Variants in RBFOX1 observed in about 807,000 individuals in gnomAD.
RBFOX1 encodes the protein RNA binding protein fox-1 homolog 1.
RBFOX1 carries 8 observed loss-of-function variants against 57.7 expected under a neutral mutation model. That is an observed-to-expected ratio of 0.14 (90% CI 0.08 to 0.25). RBFOX1 has a LOEUF of 0.25. Among genes scored for constraint, RBFOX1 ranks in the 10% least tolerant of loss-of-function variants. RBFOX1 has a pLI of 1.00. For missense variants in RBFOX1, 611 were observed against 548.5 expected (o/e 1.11, Z -1.14); for synonymous variants, 326 against 222.4 (o/e 1.47, Z -4.15).
intron 3 of RBFOX1, among the ~76,000 whole-genome samples, chr16:6,905,012 G>C (rs1228027951): frequency 6.6e-6 from 1 of 152,094 alleles, no homozygotes; most frequent in Non-Finnish European, 1.5e-5. Context: ...TGTTAGCATG[G>C]TAAAAGAGTT....
chr16:6,993,347 C>T (rs916737977), intron 3 of RBFOX1, among the ~76,000 whole-genome samples: 6 of 152,258 alleles, frequency 3.9e-5, no homozygotes, highest in East Asian at 1.9e-4. Context: ...TAAAAACTAA[C>T]GAATAGGGCA....
intron 4 of RBFOX1, among the ~76,000 whole-genome samples, chr16:5,917,869 C>G (rs190986484): frequency 6.6e-6 from 1 of 152,120 alleles, no homozygotes; most frequent in Non-Finnish European, 1.5e-5. Context: ...CCCTGGTCCC[C>G]GTCAGGTTCC....
Position 6,211,275 on chromosome 16 carries a change from C to A in RBFOX1, c.-126-105720C>A, listed in dbSNP as rs536203514. Among the ~76,000 whole-genome samples, 8 of 138,446 alleles carry A rather than the reference C, an allele frequency of 5.8e-5. No individual in the cohort carries two copies. The East Asian group carries it at 1.5e-3, about 26-fold the overall frequency. The allele number at this position is 138,446 out of a possible 152,430, so 90.8% of individuals were successfully genotyped here. ...ATGGAGTCTCGCTTTGTCGCCCAGG[C>A]TGGAGGGCAGTGGCACGATCTCCGC... is the stretch of plus-strand genomic sequence containing the variant. On this transcript the variant is annotated intron_variant, in intron 1 of 15. Transcript: ENST00000550418.
chr16:6,530,041 A>T (rs1041791436), intron 2 of RBFOX1, among the ~76,000 whole-genome samples: 1 of 152,304 alleles, frequency 6.6e-6, no homozygotes, highest in Admixed American at 6.5e-5. Context: ...CTTTCAAAGT[A>T]GCTATTTTAC....
chr16:7,188,541 C>G (rs2084492263), intron 4 of RBFOX1, among the ~76,000 whole-genome samples: 2 of 152,138 alleles, frequency 1.3e-5, no homozygotes, highest in Admixed American at 1.3e-4. Context: ...CACCTTTTCT[C>G]CCCATCACCC....
At chr16:6,762,072 C>A (rs1050007537) in intron 3 of RBFOX1, among the ~76,000 whole-genome samples, 13 of 152,082 alleles carry the variant, frequency 8.5e-5, no homozygotes, top group Non-Finnish European at 1.3e-4. Context: ...GCCTGATCTC[C>A]ACATGTGGTT....
chr16:5,971,011 T>C (rs934635924), intron 4 of RBFOX1, among the ~76,000 whole-genome samples: 1 of 152,234 alleles, frequency 6.6e-6, no homozygotes, highest in Non-Finnish European at 1.5e-5. Context: ...TATCCTGTCT[T>C]GCTATGTGTC....
At chr16:6,011,523 C>A (rs914269977) in intron 4 of RBFOX1, among the ~76,000 whole-genome samples, 1 of 152,154 alleles carries the variant, frequency 6.6e-6, no homozygotes, top group African/African-American at 2.4e-5. Flanking sequence ...TTTTCCTTAT[C>A]TGTAAAATGG....
At chr16:5,866,709 C>G (rs955414882) in intron 3 of RBFOX1, among the ~76,000 whole-genome samples, 2 of 152,204 alleles carry the variant, frequency 1.3e-5, no homozygotes, top group African/African-American at 2.4e-5. Context: ...GGAAAAGTTA[C>G]CTAACTTGTA....
chr16:7,357,245 A>G (rs2097233426), intron 4 of RBFOX1, among the ~76,000 whole-genome samples: 1 of 152,032 alleles, frequency 6.6e-6, no homozygotes, highest in Non-Finnish European at 1.5e-5. Flanking sequence ...AAAAAAAAAA[A>G]AAAATCTCTT....
At chr16:7,000,135 C>T (rs1460630297) in intron 3 of RBFOX1, among the ~76,000 whole-genome samples, 1 of 150,074 alleles carries the variant, frequency 6.7e-6, no homozygotes, top group Non-Finnish European at 1.5e-5. Flanking sequence ...TTAAAGTTTT[C>T]AGTACTTACA....
At chr16:6,736,724 T>C (rs1243596830) in intron 3 of RBFOX1, among the ~76,000 whole-genome samples, 1 of 152,202 alleles carries the variant, frequency 6.6e-6, no homozygotes, top group Non-Finnish European at 1.5e-5. Flanking sequence ...AGTTCCTTAA[T>C]GAATCTCCAC....
At chr16:7,297,312 G>A (rs185127785) in intron 4 of RBFOX1, among the ~76,000 whole-genome samples, 1 of 152,322 alleles carries the variant, frequency 6.6e-6, no homozygotes, top group Non-Finnish European at 1.5e-5. Context: ...ACTGGGTTTG[G>A]AAATCAGTTG....
chr16:5,977,926 C>T lies in RBFOX1; in HGVS notation c.351+110591C>T, dbSNP rs9788928. Among the ~76,000 whole-genome samples the T allele has an allele frequency of 4.5e-4, 68 of 151,864 alleles. 1 individual carries two copies. In the East Asian group the frequency reaches 5.8e-3, roughly 13 times the overall value. Reference sequence around the variant, plus strand: ...CTGTTCCTTTATTCCCTGCTAAAATCGATATTCCATGATATCCAGACATTG... The same window carrying T: ...CTGTTCCTTTATTCCCTGCTAAAATTGATATTCCATGATATCCAGACATTG... On this transcript the variant is annotated intron_variant, in intron 4 of 19. Coordinates refer to the RBFOX1 transcript ENST00000641259.
chr16:6,856,413 G>C (rs988716138), intron 3 of RBFOX1, among the ~76,000 whole-genome samples: 1 of 152,088 alleles, frequency 6.6e-6, no homozygotes, highest in Non-Finnish European at 1.5e-5. Flanking sequence ...GGATTTAGGT[G>C]AGCAATCCTG....
At chr16:6,767,003 C>T (rs2077426929) in intron 3 of RBFOX1, among the ~76,000 whole-genome samples, 1 of 152,116 alleles carries the variant, frequency 6.6e-6, no homozygotes, top group Non-Finnish European at 1.5e-5. Flanking sequence ...AGCTCAATTC[C>T]AGGTCATTTC....
At chr16:6,872,561 TA>T (rs1422347725) in intron 3 of RBFOX1, among the ~76,000 whole-genome samples, 27 of 152,098 alleles carry the variant, frequency 1.8e-4, no homozygotes, top group African/African-American at 6.5e-4. Flanking sequence ...AAACATTCTT[TA>T]AAAAAAGATA....
intron 1 of RBFOX1, among the ~76,000 whole-genome samples, chr16:5,374,257 T>C (rs1471152900): frequency 6.6e-6 from 1 of 152,218 alleles, no homozygotes; most frequent in African/African-American, 2.4e-5. Flanking sequence ...CAGGTAGTTA[T>C]TTATAGCAAT....
intron 11 of RBFOX1, among the ~76,000 whole-genome samples, chr16:7,645,901 T>TATCA (rs545066130): frequency 6.6e-6 from 1 of 151,870 alleles, no homozygotes; most frequent in Non-Finnish European, 1.5e-5. Flanking sequence ...TTGGTCTTTC[T>TATCA]ATCAGTGACC....
Sources: allele counts gnomAD v4.1 joint callset (sites outside exome capture counted in the v4.1 genomes callset), GRCh38; gene constraint gnomAD v4.1.1; transcripts MANE v1.5; gene names NCBI Gene and HGNC (gene_info 2026-07-23, HGNC 2026-07-21).